The following TNS3 variants were observed in gnomAD, a reference collection of about 807,000 sequenced individuals.
TNS3 encodes tensin-3.
In TNS3, 45 loss-of-function variants were observed where a neutral mutation model predicts 140.9. The observed-to-expected ratio is 0.32, with a 90% CI of 0.25 to 0.41. The LOEUF (loss-of-function observed/expected upper bound fraction) is 0.41. TNS3 is among the 10% of genes least tolerant of loss of function. The probability of loss-of-function intolerance (pLI) is 1.00; values close to 1 mark genes in which losing one functional copy is unlikely to be tolerated. For synonymous variants in TNS3, 815 were observed against 788.4 expected (o/e 1.03, Z -0.56); for missense variants, 1,716 against 1,906.7 (o/e 0.90, Z 1.86).
At chr7:47,284,514 C>T (rs1785312217) in intron 27 of TNS3, among the ~76,000 whole-genome samples, 1 of 152,196 alleles carries the variant, frequency 6.6e-6, no homozygotes, top group Admixed American at 6.5e-5. Flanking sequence ...CATAACAACC[C>T]TTCTTTCCCT....
chr7:47,437,431 C>A, intron 6 of TNS3, 118 bp from the exon 7 acceptor site: 1 of 352,648 alleles, frequency 2.8e-6, no homozygotes. Context: ...TATCTAAAAT[C>A]TTCACACTCA....
At chr7:47,450,237 C>T (rs1274495028) in intron 4 of TNS3, among the ~76,000 whole-genome samples, 1 of 152,102 alleles carries the variant, frequency 6.6e-6, no homozygotes, top group Non-Finnish European at 1.5e-5. Context: ...ATAAATGTAC[C>T]CATTGACTTT....
At chr7:47,390,251 T>A (rs1434437001) in intron 16 of TNS3, among the ~76,000 whole-genome samples, 1 of 152,206 alleles carries the variant, frequency 6.6e-6, no homozygotes, top group Admixed American at 6.5e-5. Flanking sequence ...TTCCAAATCT[T>A]AAAACCCAAC....
chr7:47,395,445 T>C (rs368499972), intron 16 of TNS3, among the ~76,000 whole-genome samples: 20 of 152,326 alleles, frequency 1.3e-4, no homozygotes, highest in Middle Eastern at 3.4e-3. Context: ...GGACAGAATA[T>C]AGCTATGCAG....
intron 20 of TNS3, among the ~76,000 whole-genome samples, chr7:47,312,212 C>A (rs1337446185): frequency 6.6e-6 from 1 of 152,154 alleles, no homozygotes; most frequent in Non-Finnish European, 1.5e-5. Context: ...ACTGACCGCC[C>A]CTCCTCCCAG....
At chr7:47,473,826 T>C (rs1797055618) in intron 4 of TNS3, among the ~76,000 whole-genome samples, 1 of 152,206 alleles carries the variant, frequency 6.6e-6, no homozygotes, top group Admixed American at 6.5e-5. Context: ...GTGGGTGTTT[T>C]GTTGGAAATT....
intron 1 of TNS3, among the ~76,000 whole-genome samples, chr7:47,558,278 G>A (rs1045330531): frequency 4.6e-5 from 7 of 152,236 alleles, no homozygotes; most frequent in South Asian, 2.1e-4. Flanking sequence ...AAGAGGCTGC[G>A]CCACCTCCTA....
chr7:47,462,675 G>A (rs1323467009), intron 4 of TNS3, among the ~76,000 whole-genome samples: 1 of 152,058 alleles, frequency 6.6e-6, no homozygotes, highest in Non-Finnish European at 1.5e-5. Context: ...GCCCACCTGA[G>A]GCCATTTGCA....
chr7:47,425,353 G>C (rs1449702410), intron 9 of TNS3, among the ~76,000 whole-genome samples: 1 of 152,054 alleles, frequency 6.6e-6, no homozygotes, highest in Non-Finnish European at 1.5e-5. Context: ...ACCTGATAAA[G>C]TGGGCCCGTT....
At chr7:47,527,795 C>T (rs1055804019) in intron 2 of TNS3, among the ~76,000 whole-genome samples, 2 of 151,962 alleles carry the variant, frequency 1.3e-5, no homozygotes, top group Non-Finnish European at 2.9e-5. Context: ...TATAGTCCAG[C>T]TACTGGAGTG....
intron 20 of TNS3, among the ~76,000 whole-genome samples, chr7:47,315,650 G>A (rs924379903): frequency 5.3e-5 from 8 of 152,166 alleles, no homozygotes; most frequent in African/African-American, 1.4e-4. Flanking sequence ...CTCGCTCTTC[G>A]GAAGCCTTAG....
chr7:47,424,203 G>A lies in TNS3; in HGVS notation c.390-19C>T. 1 of 1,612,354 alleles carries A rather than the reference G, an allele frequency of 6.2e-7. No individual in the cohort carries two copies. The highest frequency in any genetic ancestry group is 8.5e-7 in the Non-Finnish European group (1 of 1,178,896). On this transcript the variant is annotated intron_variant, in intron 9 of 30. Transcript: ENST00000311160. ...GTCGGCGCTGAAGGGGAGAGAGAGA[G>A]AAAGAGAGTTAACTCAGTGGAGCCC...
chr7:47,377,471 G>GA, intron 16 of TNS3, among the ~76,000 whole-genome samples: 1 of 152,356 alleles, frequency 6.6e-6, no homozygotes, highest in East Asian at 1.9e-4. Flanking sequence ...GGGTGTGAGG[G>GA]ATGGTTTGGG....
intron 8 of TNS3, among the ~76,000 whole-genome samples, chr7:47,431,559 C>T (rs1484372381): frequency 6.6e-6 from 1 of 152,200 alleles, no homozygotes; most frequent in South Asian, 2.1e-4. Context: ...CGCCACTGCA[C>T]TCCAGCCTGG....
chr7:47,414,053 ATT>A, intron 11 of TNS3, 56 bp from the exon 12 acceptor site: 1 of 1,547,412 alleles, frequency 6.5e-7, no homozygotes, highest in Non-Finnish European at 8.8e-7. Flanking sequence ...ACGAACAGGA[ATT>A]TGGCAATCAG....
rs186852874 is a variant in TNS3 at position 47,554,638 on chromosome 7, G to A, written c.-264-25491C>T. ...AACAGCAAGAGCACTAGAACTAGAC[G>A]TGGAGCCTGAAGATGTGACTGAATT... On this transcript the variant is annotated intron_variant, in intron 1 of 30. Coordinates refer to ENST00000311160, the MANE Select transcript of TNS3 (RefSeq NM_022748.12). Among the ~76,000 whole-genome samples, 346 of 152,310 alleles carry A rather than the reference G, an allele frequency of 2.3e-3. 3 individuals carry two copies. The highest frequency in any genetic ancestry group is 8.0e-3 in the African/African-American group (331 of 41,568).
chr7:47,447,747 A>T (rs1795818872), intron 4 of TNS3, among the ~76,000 whole-genome samples: 1 of 152,106 alleles, frequency 6.6e-6, no homozygotes, highest in Non-Finnish European at 1.5e-5. Context: ...ACCCTACCCT[A>T]AAGCCTCATC....
intron 16 of TNS3, among the ~76,000 whole-genome samples, chr7:47,370,184 G>A (rs940079444): frequency 1.3e-5 from 2 of 152,098 alleles, no homozygotes; most frequent in Admixed American, 6.5e-5. Flanking sequence ...GCTGAGTCAG[G>A]AGAATCACTT....
chr7:47,314,285 G>A (rs1034267942), intron 20 of TNS3, among the ~76,000 whole-genome samples: 3 of 152,192 alleles, frequency 2.0e-5, no homozygotes, highest in African/African-American at 4.8e-5. Flanking sequence ...TGCAGGCGCT[G>A]TGCTTGGCAC....
Sources: gnomAD v4.1 joint callset for allele counts (sites outside exome capture counted in the v4.1 genomes callset) on GRCh38, gnomAD v4.1.1 for gene constraint, MANE v1.5 for transcripts, NCBI Gene and HGNC (gene_info 2026-07-23, HGNC 2026-07-21) for gene names.